GRM7: variants seen among roughly 807,000 people sequenced by gnomAD.
The protein encoded by GRM7 is metabotropic glutamate receptor 7.
A neutral mutation model predicts 84.5 loss-of-function variants in GRM7; 35 were observed. That is an observed-to-expected ratio of 0.41 (90% CI 0.32 to 0.55). The LOEUF is 0.55. GRM7 is among the 20% of genes least tolerant of loss of function. The pLI is 0.19. For synonymous variants in GRM7, 487 were observed against 455.1 expected, an observed-to-expected ratio of 1.07 and a Z score of -0.89; for missense variants, 1,003 against 1,194.6, an observed-to-expected ratio of 0.84 and a Z score of 2.36.
At chr3:7,021,591 G>C (rs1456697021) in intron 1 of GRM7, among the ~76,000 whole-genome samples, 1 of 152,140 alleles carries the variant, frequency 6.6e-6, no homozygotes, top group East Asian at 1.9e-4. Context: ...GAACTAAAGA[G>C]GTGAACCCTA....
intron 2 of GRM7, among the ~76,000 whole-genome samples, chr3:7,181,090 A>G (rs967972749): frequency 6.6e-6 from 1 of 152,130 alleles, no homozygotes; most frequent in East Asian, 1.9e-4. Flanking sequence ...CCATATTTTT[A>G]TCATAGATAT....
At chr3:7,580,829 T>C (rs1345079791) in intron 8 of GRM7, among the ~76,000 whole-genome samples, 1 of 152,092 alleles carries the variant, frequency 6.6e-6, no homozygotes, top group Non-Finnish European at 1.5e-5. Context: ...TTCTTCTGTG[T>C]ATTCCTGGGC....
intron 1 of GRM7, among the ~76,000 whole-genome samples, chr3:6,917,239 T>C (rs1052675135): frequency 2.6e-5 from 4 of 152,176 alleles, no homozygotes; most frequent in African/African-American, 9.7e-5. Flanking sequence ...TGTAGTTATA[T>C]GGTATTGTTG....
intron 7 of GRM7, among the ~76,000 whole-genome samples, chr3:7,491,445 G>A (rs928930265): frequency 2.0e-5 from 3 of 151,428 alleles, no homozygotes; most frequent in Admixed American, 1.3e-4. Flanking sequence ...GAGATTATTA[G>A]GACATTGGCC....
intron 8 of GRM7, among the ~76,000 whole-genome samples, chr3:7,600,543 A>C (rs1315858379): frequency 6.6e-6 from 1 of 152,100 alleles, no homozygotes; most frequent in Non-Finnish European, 1.5e-5. Context: ...AATAGAGTTA[A>C]AGAGCCAGGG....
At position 6,861,622 on chromosome 3, in the gene GRM7, G is replaced by C; in HGVS notation, c.234G>C (p.Arg78Ser). The C allele has an allele frequency of 6.2e-7, 1 of 1,613,410 alleles. No individual in the cohort carries two copies. The highest frequency in any genetic ancestry group is 8.5e-7 in the Non-Finnish European group (1 of 1,179,786). Residue 78 changes from arginine (R) to serine (S), a missense_variant, in exon 1 of 10, where the codon AGG (arginine) becomes AGC (serine). Arg to Ser is a moderately radical substitution (Grantham distance 110). Coordinates refer to ENST00000357716, the MANE Select transcript of GRM7 (RefSeq NM_000844.4). This position sits in a 1 kb window ranked among gnomAD's most constrained non-coding sequence, Gnocchi z 6.4. Reference protein sequence around the residue: ...GDIKRENGIHRLEAMLYALDQ... With the variant: ...GDIKRENGIHSLEAMLYALDQ... ...TCAAGAGGGAAAACGGGATCCACAGGCTGGAAGCGATGCTCTACGCCCTGG... is the reference window on the plus strand; with the variant it reads ...TCAAGAGGGAAAACGGGATCCACAGCCTGGAAGCGATGCTCTACGCCCTGG...
chr3:7,251,951 A>G (rs1698004565), intron 2 of GRM7, among the ~76,000 whole-genome samples: 1 of 152,202 alleles, frequency 6.6e-6, no homozygotes, highest in Non-Finnish European at 1.5e-5. Context: ...CAGTAGCCGG[A>G]AAACAAAGCC....
At chr3:7,558,864 C>A (rs950213803) in intron 7 of GRM7, among the ~76,000 whole-genome samples, 7 of 152,112 alleles carry the variant, frequency 4.6e-5, no homozygotes, top group Admixed American at 4.6e-4. Context: ...AGGTTATATT[C>A]AATCTTCAAA....
intron 4 of GRM7, among the ~76,000 whole-genome samples, chr3:7,365,186 T>C (rs767041353): frequency 6.6e-6 from 1 of 151,868 alleles, no homozygotes; most frequent in Non-Finnish European, 1.5e-5. Flanking sequence ...AACTTGCTCT[T>C]CTTTCTGATT....
rs114309241 is a variant in GRM7, at chr3:6,967,403, C to G, written c.519+105496C>G. Among the ~76,000 whole-genome samples, 217 of 152,172 alleles carry G rather than the reference C, an allele frequency of 1.4e-3. 1 individual carries two copies. The highest frequency in any genetic ancestry group is 4.9e-3 in the African/African-American group (204 of 41,540). On this transcript the variant is annotated intron_variant, in intron 1 of 9. Transcript: ENST00000357716. ...TAGAGACAGGGTTTTGCCATGTTGC[C>G]AGGCTGATCTCCAACTCCTGGGCTC...
intron 8 of GRM7, among the ~76,000 whole-genome samples, chr3:7,657,084 T>G (rs998353961): frequency 4.6e-5 from 7 of 152,162 alleles, no homozygotes; most frequent in Non-Finnish European, 8.8e-5. Flanking sequence ...AGTTTGTGCC[T>G]AGGAAAGAAA....
chr3:7,023,630 C>A (rs1427813788), intron 1 of GRM7, among the ~76,000 whole-genome samples: 1 of 152,166 alleles, frequency 6.6e-6, no homozygotes, highest in Non-Finnish European at 1.5e-5. Context: ...ATGCTGGTTC[C>A]TTCTGAGGGA....
chr3:7,237,075 G>T (rs976085481), intron 2 of GRM7, among the ~76,000 whole-genome samples: 5 of 152,170 alleles, frequency 3.3e-5, no homozygotes, highest in African/African-American at 1.2e-4. Context: ...TGTCCTCAGT[G>T]AATTTCAGGG....
Position 7,210,799 on chromosome 3 carries a change from T to C in GRM7, c.736+64131T>C, listed in dbSNP as rs554380600. Among the ~76,000 whole-genome samples the C allele has an allele frequency of 3.4e-3, 198 of 57,790 alleles. 4 individuals carry two copies. The highest frequency in any genetic ancestry group is 6.0e-4 in the Non-Finnish European group (16 of 26,550). The allele number at this position is 57,790 out of a possible 152,430, so 37.9% of individuals were successfully genotyped here. A position where few individuals can be genotyped will look rare whatever the true frequency, so the allele number is the denominator to read the frequency against. On this transcript the variant is annotated intron_variant, in intron 2 of 9. Transcript: ENST00000357716. ...AAGACAATTATGAACATGCTGTGTA[T>C]TGTTTTTTTTTTTTTTTGAGGAATT...
intron 7 of GRM7, among the ~76,000 whole-genome samples, chr3:7,510,828 A>G (rs1192900594): frequency 6.6e-6 from 1 of 152,202 alleles, no homozygotes; most frequent in Non-Finnish European, 1.5e-5. Flanking sequence ...TTATTGGAAC[A>G]CAGCCATGCC....
chr3:7,509,785 A>G (rs911832294), intron 7 of GRM7, among the ~76,000 whole-genome samples: 7 of 151,840 alleles, frequency 4.6e-5, no homozygotes, highest in Non-Finnish European at 8.8e-5. Flanking sequence ...TCAGCTGGGG[A>G]AATTTTTTTT....
chr3:7,306,898 T>A (rs1031592753), intron 4 of GRM7, among the ~76,000 whole-genome samples: 2 of 152,220 alleles, frequency 1.3e-5, no homozygotes, highest in African/African-American at 4.8e-5. Context: ...TTCTTTTTCA[T>A]TCATGCCATA....
intron 2 of GRM7, among the ~76,000 whole-genome samples, chr3:7,248,960 T>A (rs1697876741): frequency 6.6e-6 from 1 of 152,140 alleles, no homozygotes; most frequent in Non-Finnish European, 1.5e-5. Context: ...TAAAGATATT[T>A]AAAATCCAGG....
Position 6,928,233 on chromosome 3 carries a change from A to G in GRM7, c.519+66326A>G, listed in dbSNP as rs370602789. Reference sequence around the variant, plus strand: ...TGTCCCTTGGAATTCCCCCAAAGATAGTTGCTCAATACCACTCTCTTTCCC... The same window carrying G: ...TGTCCCTTGGAATTCCCCCAAAGATGGTTGCTCAATACCACTCTCTTTCCC... On this transcript the variant is annotated intron_variant, in intron 1 of 9. Coordinates refer to ENST00000357716, the MANE Select transcript of GRM7 (RefSeq NM_000844.4). The surrounding 1 kb of genome is among the most constrained non-coding windows in gnomAD (Gnocchi z 4.5). Among the ~76,000 whole-genome samples, 153 of 152,058 alleles carry G rather than the reference A, an allele frequency of 1.0e-3. 1 individual carries two copies. The highest frequency in any genetic ancestry group is 3.5e-3 in the African/African-American group (144 of 41,490).
Sources: allele counts gnomAD v4.1 joint callset (sites outside exome capture counted in the v4.1 genomes callset), GRCh38; gene constraint gnomAD v4.1.1; non-coding constraint Gnocchi (gnomAD v3.1); transcripts MANE v1.5; gene names NCBI Gene and HGNC (gene_info 2026-07-23, HGNC 2026-07-21).